The following CHD1L variants were observed in gnomAD, a reference collection of about 807,000 sequenced individuals.
CHD1L encodes the protein chromodomain helicase DNA binding protein 1 like.
In CHD1L, 118 loss-of-function variants were observed where a neutral mutation model predicts 115.9. That is an observed-to-expected ratio of 1.02 (90% CI 0.88 to 1.19). CHD1L has a LOEUF of 1.19. Among genes scored for constraint, CHD1L ranks in the 50% most tolerant of loss-of-function variants. CHD1L has a pLI of 0.00. For synonymous variants in CHD1L, 411 were observed against 387.1 expected, an observed-to-expected ratio of 1.06 and a Z score of -0.72; for missense variants, 1,179 against 1,065.3, an observed-to-expected ratio of 1.11 and a Z score of -1.49.
intron 14 of CHD1L, among the ~76,000 whole-genome samples, chr1:147,279,800 G>A (rs1180105146): frequency 6.6e-6 from 1 of 152,072 alleles, no homozygotes; most frequent in East Asian, 1.9e-4. Context: ...ATGCAGAATT[G>A]TCAAAGTCAA....
the CHD1L span, chr1:147,225,198 AC>A: frequency 6.9e-7 from 1 of 1,443,554 alleles, no homozygotes; most frequent in Non-Finnish European, 9.1e-7. Flanking sequence ...GGTCCTCTTC[AC>A]CAGAGGAAAT....
the CHD1L span, chr1:147,224,952 G>GT: frequency 1.9e-6 from 3 of 1,614,004 alleles, no homozygotes; most frequent in South Asian, 3.3e-5. Flanking sequence ...CAGGTTCCAA[G>GT]CCTTCTTCTA....
chr1:147,204,111 G>T, the CHD1L span: 2 of 1,050,620 alleles, frequency 1.9e-6, no homozygotes, highest in Non-Finnish European at 3.0e-6. Flanking sequence ...GCATCCATGA[G>T]ATTTTCTTCT....
chr1:147,233,108 G>A, the CHD1L span, among the ~76,000 whole-genome samples: 19 of 151,604 alleles, frequency 1.3e-4, no homozygotes, highest in East Asian at 3.9e-4. Flanking sequence ...CCTCTGCCCC[G>A]CCGCCCCATC....
chr1:147,259,880 A>T lies in CHD1L; in HGVS notation c.538A>T (p.Lys180Ter). The change falls in exon 6 of 23, where the codon AAA (lysine) becomes TAA (stop). Residue 180 changes from lysine to a stop codon, truncating the protein, a stop_gained. Coordinates refer to ENST00000369258, the MANE Select transcript of CHD1L (RefSeq NM_004284.6). LOFTEE classifies it high-confidence loss of function. Reference sequence around the variant, plus strand: ...TGTTGTGGATGAAGCTCACAGGTTGAAAAACCAAAGCTCCCTGCTGCATAA... The same window carrying T: ...TGTTGTGGATGAAGCTCACAGGTTGTAAAACCAAAGCTCCCTGCTGCATAA... ...VLVVDEAHRL[K>*]NQSSLLHKTL... is the part of the protein sequence containing the mutation. The T allele has an allele frequency of 1.2e-6, 2 of 1,613,904 alleles. No homozygotes were observed. Among genetic ancestry groups the T allele is most frequent in the Non-Finnish European group, 1.7e-6 (2 of 1,179,820 alleles).
chr1:147,217,399 G>C, the CHD1L span, among the ~76,000 whole-genome samples: 2 of 151,790 alleles, frequency 1.3e-5, no homozygotes, highest in Non-Finnish European at 2.9e-5. Flanking sequence ...TTCAAAAATT[G>C]TTTTGACTAT....
At chr1:147,192,630 A>G in the CHD1L span, among the ~76,000 whole-genome samples, 3,070 of 152,180 alleles carry the variant, frequency 0.02, 116 homozygotes, top group African/African-American at 0.07. Context: ...CCCATTCAGT[A>G]TGATATTGGC....
the CHD1L span, chr1:147,187,200 A>G: frequency 6.2e-7 from 1 of 1,614,046 alleles, no homozygotes; most frequent in Non-Finnish European, 8.5e-7. Context: ...CTTCCATGGT[A>G]TCTATGTAGT....
chr1:147,285,302 A>T (rs1553964592), intron 16 of CHD1L, 22 bp from the exon 17 acceptor site: 1 of 1,601,700 alleles, frequency 6.2e-7, no homozygotes, highest in South Asian at 1.1e-5. Context: ...GACCCTGGTG[A>T]TGGATCTTGT....
At chr1:147,183,197 CA>C in the CHD1L span, among the ~76,000 whole-genome samples, 1 of 149,454 alleles carries the variant, frequency 6.7e-6, no homozygotes, top group African/African-American at 2.5e-5. Flanking sequence ...GACTCTGTCT[CA>C]AAAAAAAAGA....
At chr1:147,188,519 T>C in the CHD1L span, among the ~76,000 whole-genome samples, 1 of 32,288 alleles carries the variant, frequency 3.1e-5, no homozygotes, top group Non-Finnish European at 5.1e-5. Context: ...TGAGACCCCA[T>C]ATCAAAAAAA....
chr1:147,197,245 T>G, the CHD1L span, among the ~76,000 whole-genome samples: 1 of 152,190 alleles, frequency 6.6e-6, no homozygotes. Context: ...TGGTCAATAT[T>G]TCCTTGTCCT....
intron 13 of CHD1L, 66 bp from the exon 14 acceptor site, chr1:147,276,038 C>T: frequency 6.7e-7 from 1 of 1,496,260 alleles, no homozygotes; most frequent in Non-Finnish European, 9.2e-7. Flanking sequence ...ATGTATTTAC[C>T]TTGCATACTT....
chr1:147,208,421 T>C, the CHD1L span: 3 of 143,050 alleles, frequency 2.1e-5, no homozygotes, highest in Non-Finnish European at 4.4e-5. Context: ...TATGAGTCTA[T>C]AGGCTTTCTT....
chr1:147,267,429 C>G lies in CHD1L; in HGVS notation c.899C>G (p.Ala300Gly). ...TCTCTTTTTTTTTAAATTTCAGATG[C>G]ATTTGAAAATGAGACGGCAAAGAAA... ...YKAILMKDLDAFENETAKKVK... is the reference protein window; with the variant it reads ...YKAILMKDLDGFENETAKKVK... The change falls in exon 9 of 23, where the codon GCA becomes GGA. Residue 300 changes from alanine (A) to glycine (G), a missense_variant. By Grantham distance (60) the Ala-to-Gly change is moderately conservative. Coordinates refer to ENST00000369258, the MANE Select transcript of CHD1L (RefSeq NM_004284.6). The G allele has an allele frequency of 1.2e-6, 2 of 1,609,840 alleles. No individual in the cohort carries two copies. Among genetic ancestry groups the G allele is most frequent in the Non-Finnish European group, 1.7e-6 (2 of 1,177,144 alleles).
the CHD1L span, chr1:147,187,129 T>A: frequency 1.9e-6 from 3 of 1,614,098 alleles, no homozygotes; most frequent in Non-Finnish European, 2.5e-6. Flanking sequence ...TAATGCCAGC[T>A]TGGGGTCAGT....
intron 10 of CHD1L, 92 bp from the exon 11 acceptor site, chr1:147,270,839 AT>A (rs1675886145): frequency 1.0e-6 from 1 of 1,000,712 alleles, no homozygotes; most frequent in Admixed American, 1.8e-5. Context: ...GTATTTATTT[AT>A]AAACTTTTAT....
chr1:147,276,233 AC>A lies in CHD1L; in HGVS notation c.1518del (p.Ala507LeufsTer8). ...GCCATTTTACTCTGGGAGCCCAGAA[AC>A]CCGCTGCCGATGCTGACCTCCAGGT... ...GGHFTLGAQK[P>X]AADADLQLSE... On this transcript the variant is annotated frameshift_variant, in exon 14 of 23. Transcript: ENST00000369258. LOFTEE classifies it high-confidence loss of function. 21 of 1,614,072 alleles carry A rather than the reference AC, an allele frequency of 1.3e-5. No homozygotes were observed. Among genetic ancestry groups the A allele is most frequent in the Non-Finnish European group, 1.7e-5 (20 of 1,180,000 alleles).
intron 10 of CHD1L, 90 bp from the exon 11 acceptor site, chr1:147,270,842 A>G: frequency 9.7e-7 from 1 of 1,034,014 alleles, no homozygotes; most frequent in Non-Finnish European, 1.5e-6. Flanking sequence ...TTTATTTATA[A>G]ACTTTTATTG....
Sources: allele counts gnomAD v4.1 joint callset (sites outside exome capture counted in the v4.1 genomes callset), GRCh38; gene constraint gnomAD v4.1.1; transcripts MANE v1.5; gene names NCBI Gene and HGNC (gene_info 2026-07-23, HGNC 2026-07-21).